Variants in CNTNAP2 observed in about 807,000 individuals in gnomAD.
CNTNAP2 encodes contactin associated protein 2.
Under a neutral mutation model 155.2 loss-of-function variants are expected in CNTNAP2, and 98 were observed. The observed-to-expected ratio is 0.63, with a 90% CI of 0.54 to 0.75. The LOEUF (loss-of-function observed/expected upper bound fraction) is 0.75, where lower values mean the gene tolerates loss of function less well. Ranked by LOEUF, CNTNAP2 falls within the 30% of genes least tolerant of loss-of-function variation. The probability of loss-of-function intolerance (pLI) is 0.00; values close to 1 mark genes in which losing one functional copy is unlikely to be tolerated. For synonymous variants in CNTNAP2, 651 were observed against 631.2 expected (o/e 1.03, Z -0.47); for missense variants, 1,727 against 1,688.1 (o/e 1.02, Z -0.40).
intron 8 of CNTNAP2, among the ~76,000 whole-genome samples, chr7:147,209,447 C>A (rs1465360453): frequency 3.3e-5 from 5 of 151,794 alleles, no homozygotes; most frequent in Non-Finnish European, 5.9e-5. Context: ...GATTTTATAC[C>A]CTGAAACTTT....
Position 147,996,423 on chromosome 7 carries a change from A to G in CNTNAP2, c.2383+18434A>G, listed in dbSNP as rs191915590. On this transcript the variant is annotated intron_variant, in intron 15 of 23. Coordinates refer to ENST00000361727, the MANE Select transcript of CNTNAP2 (RefSeq NM_014141.6). ...TCTAGAATATTTTTCTGACAGGGAA[A>G]GTGTAGAAACTTAGGCTCAGAATAT... 3.3e-5 allele frequency among the ~76,000 whole-genome samples: 5 copies of G among 152,352 alleles called. No individual in the cohort carries two copies. The East Asian group carries it at 7.7e-4, about 23-fold the overall frequency.
intron 2 of CNTNAP2, among the ~76,000 whole-genome samples, chr7:146,812,192 CTAGAGGCTTG>C (rs1228558168): frequency 6.6e-6 from 1 of 151,990 alleles, no homozygotes; most frequent in Non-Finnish European, 1.5e-5. Context: ...TCAGAACTTC[CTAGAGGCTTG>C]TTGAATGGCT....
intron 3 of CNTNAP2, among the ~76,000 whole-genome samples, chr7:146,922,843 G>A (rs1796532322): frequency 6.6e-6 from 1 of 152,116 alleles, no homozygotes; most frequent in South Asian, 2.1e-4. Flanking sequence ...AGCACATTGA[G>A]ATAACTCATT....
chr7:146,750,082 T>A (rs1273079151), intron 1 of CNTNAP2, among the ~76,000 whole-genome samples: 1 of 152,160 alleles, frequency 6.6e-6, no homozygotes, highest in African/African-American at 2.4e-5. Context: ...CCAGAATTCA[T>A]CTAGTAGCAT....
At chr7:147,010,352 G>T (rs184066834) in intron 3 of CNTNAP2, among the ~76,000 whole-genome samples, 140 of 151,260 alleles carry the variant, frequency 9.3e-4, no homozygotes, top group African/African-American at 2.5e-3. Context: ...AATGGATTAT[G>T]CCTTCTTGAA....
Position 147,758,708 on chromosome 7 carries a change from G to A in CNTNAP2, c.2098+119402G>A, listed in dbSNP as rs372083731. On this transcript the variant is annotated intron_variant, in intron 13 of 23. Coordinates refer to ENST00000361727, the MANE Select transcript of CNTNAP2 (RefSeq NM_014141.6). ...AAAAATACAAAAATTAGCTGGGCAT[G>A]GTGGTGTATGACTGTGGGCCCAGCT... Among the ~76,000 whole-genome samples, 36 of 152,184 alleles carry A rather than the reference G, an allele frequency of 2.4e-4. No individual in the cohort carries two copies. The South Asian group carries it at 5.2e-3, about 22-fold the overall frequency.
chr7:146,812,253 G>T (rs887530109), intron 2 of CNTNAP2, among the ~76,000 whole-genome samples: 4 of 151,882 alleles, frequency 2.6e-5, no homozygotes, highest in Non-Finnish European at 5.9e-5. Context: ...ATAAAGTCCA[G>T]GTTGAGTTGG....
intron 8 of CNTNAP2, among the ~76,000 whole-genome samples, chr7:147,144,700 A>G (rs1801665831): frequency 6.6e-6 from 1 of 152,206 alleles, no homozygotes; most frequent in African/African-American, 2.4e-5. Flanking sequence ...TGAAAGAAAA[A>G]GAGGGTGTTC....
At chr7:148,355,166 CTTTTTTTTTTTTTTTTTT>C (rs1167992306) in intron 21 of CNTNAP2, among the ~76,000 whole-genome samples, 8 of 41,024 alleles carry the variant, frequency 2.0e-4, no homozygotes, top group Admixed American at 1.6e-3. Flanking sequence ...CCGCCAGCTG[CTTTTTTTTTTTTTTTTTT>C]TTTTTTTTTT....
chr7:147,267,595 T>G (rs1804642963), intron 8 of CNTNAP2, among the ~76,000 whole-genome samples: 1 of 152,046 alleles, frequency 6.6e-6, no homozygotes, highest in Admixed American at 6.6e-5. Flanking sequence ...AGTGCTGCTA[T>G]CCACGCAACT....
intron 21 of CNTNAP2, among the ~76,000 whole-genome samples, chr7:148,373,758 C>T (rs1730397): frequency 0.72 from 108,780 of 152,126 alleles, 40,061 homozygotes; most frequent in Admixed American, 0.81. Context: ...GGCTATTACC[C>T]CAATCTGAAA....
chr7:147,441,273 C>T (rs1400661677), intron 10 of CNTNAP2, among the ~76,000 whole-genome samples: 7 of 152,088 alleles, frequency 4.6e-5, no homozygotes, highest in African/African-American at 1.4e-4. Context: ...ATGTCAGTTG[C>T]ATTTTTCAGC....
intron 1 of CNTNAP2, among the ~76,000 whole-genome samples, chr7:146,626,180 C>T (rs1319598305): frequency 1.3e-5 from 2 of 152,130 alleles, no homozygotes; most frequent in East Asian, 1.9e-4. Context: ...TACAATGAAA[C>T]ACATTAACAA....
At chr7:147,715,820 G>GT (rs570915945) in intron 13 of CNTNAP2, among the ~76,000 whole-genome samples, 135 of 152,030 alleles carry the variant, frequency 8.9e-4, no homozygotes, top group Middle Eastern at 3.4e-3. Context: ...ACATTTTATA[G>GT]TTTTGTAAGC....
In CNTNAP2 at chr7:147,698,205, C is replaced by T. The variant is rs552299014; in HGVS notation, c.2098+58899C>T. 1.8e-4 allele frequency among the ~76,000 whole-genome samples: 27 copies of T among 152,234 alleles called. 1 individual carries two copies. The South Asian group carries it at 5.0e-3, about 28-fold the overall frequency. On this transcript the variant is annotated intron_variant, in intron 13 of 23. Coordinates refer to ENST00000361727, the MANE Select transcript of CNTNAP2 (RefSeq NM_014141.6). ...ATTTTTCATTTTGCTCAGATTTTTA[C>T]TTATTGTTAGGCCAGACTGAAGATA...
rs138106307 is a variant in CNTNAP2 at position 147,577,116 on chromosome 7, G to A, written c.1897+14859G>A. Among the ~76,000 whole-genome samples the A allele has an allele frequency of 5.6e-3, 845 of 152,126 alleles. 5 individuals carry two copies. Among genetic ancestry groups the A allele is most frequent in the African/African-American group, 0.018 (763 of 41,532 alleles). ...ACGTGCAAGAGATGGTTACTTTCAC[G>A]TGACCAGCATGTTGCTTAGTTGTAA... is the stretch of plus-strand genomic sequence containing the variant. On this transcript the variant is annotated intron_variant, in intron 12 of 23. Coordinates refer to ENST00000361727, the MANE Select transcript of CNTNAP2 (RefSeq NM_014141.6).
intron 15 of CNTNAP2, among the ~76,000 whole-genome samples, chr7:147,979,028 C>A (rs1218944212): frequency 6.6e-6 from 1 of 152,052 alleles, no homozygotes. Flanking sequence ...AGAATTAGAC[C>A]TACTTGATAA....
At chr7:146,744,266 A>G (rs1801772711) in intron 1 of CNTNAP2, among the ~76,000 whole-genome samples, 2 of 149,870 alleles carry the variant, frequency 1.3e-5, no homozygotes, top group Non-Finnish European at 3.0e-5. Context: ...TTAGATTTAA[A>G]TAACATTTAA....
chr7:147,329,442 A>G (rs954690110), intron 9 of CNTNAP2, among the ~76,000 whole-genome samples: 10 of 152,098 alleles, frequency 6.6e-5, no homozygotes, highest in African/African-American at 2.4e-4. Context: ...AGTTTTTTAT[A>G]GAATAATGGT....
Sources: allele counts gnomAD v4.1 joint callset (sites outside exome capture counted in the v4.1 genomes callset), GRCh38; gene constraint gnomAD v4.1.1; transcripts MANE v1.5; gene names NCBI Gene and HGNC (gene_info 2026-07-23, HGNC 2026-07-21).